MRPL43: variants seen among roughly 807,000 people sequenced by gnomAD.
The protein encoded by MRPL43 is mitochondrial ribosomal protein L43.
Under a neutral mutation model 12.7 loss-of-function variants are expected in MRPL43, and 9 were observed. That is an observed-to-expected ratio of 0.71 (90% CI 0.43 to 1.24). MRPL43 has a LOEUF of 1.24. Ranked by LOEUF, MRPL43 falls within the 50% of genes most tolerant of loss-of-function variation. The pLI is 0.00. For missense variants in MRPL43, 211 were observed against 229.2 expected (o/e 0.92, Z 0.51); for synonymous variants, 116 against 96.4 (o/e 1.20, Z -1.19).
chr10:100,980,860 G>A (rs2133887370), downstream of MRPL43: 1 of 1,604,864 alleles, frequency 6.2e-7, no homozygotes, highest in Non-Finnish European at 8.5e-7. Context: ...GAGTCATCCA[G>A]CTACCACTCT....
chr10:100,978,547 A>C, downstream of MRPL43: 1 of 1,614,120 alleles, frequency 6.2e-7, no homozygotes, highest in Non-Finnish European at 8.5e-7. Context: ...CTACACAGCC[A>C]CTAGGTATGA....
chr10:100,983,484 C>T (rs775542275), downstream of MRPL43: 2 of 1,614,180 alleles, frequency 1.2e-6, no homozygotes, highest in Non-Finnish European at 1.7e-6. Context: ...AGATGCACAG[C>T]CTGAGCACAG....
At chr10:100,979,822 C>A, downstream of MRPL43, 1 of 1,611,126 alleles carries the variant, frequency 6.2e-7, no homozygotes, top group Non-Finnish European at 8.5e-7. Flanking sequence ...TGTAACTCAC[C>A]CCCCTTGCCC....
Position 100,987,150 on chromosome 10 carries a change from C to T in MRPL43, c.178G>A (p.Gly60Arg), listed in dbSNP as rs565109783. Residue 60 changes from glycine (G) to arginine (R), a missense_variant, in exon 2 of 3, where the codon GGG becomes AGG. Coordinates refer to ENST00000318364, the MANE Select transcript of MRPL43 (RefSeq NM_032112.3). ...CGCGAGTTTACATATATTACGACCC[C>T]TGGATTCCGTCGGGCGAAGTCGATC... ...EVIDFARRNP[G>R]VVIYVNSRPC... The T allele has an allele frequency of 6.2e-7, 1 of 1,613,964 alleles. No individual in the cohort carries two copies. Among genetic ancestry groups the T allele is most frequent in the South Asian group, 1.1e-5 (1 of 91,082 alleles).
chr10:100,986,569 G>A lies in MRPL43; in HGVS notation c.*165C>T, dbSNP rs777181468. ...CACAAGGTCACTGCCCCCAGAAGCA[G>A]GCACTGGAAAGAAACAGGCAGCTCT... On this transcript the variant is annotated 3_prime_UTR_variant, in exon 3 of 3. Transcript: ENST00000318364. 1 of 1,579,622 alleles carries A rather than the reference G, an allele frequency of 6.3e-7. No individual in the cohort carries two copies. The highest frequency in any genetic ancestry group is 2.4e-5 in the East Asian group (1 of 42,472).
downstream of MRPL43, chr10:100,978,664 G>A: frequency 2.5e-6 from 4 of 1,601,672 alleles, no homozygotes; most frequent in Non-Finnish European, 3.4e-6. Flanking sequence ...GGCACAGGAT[G>A]ATGGGGGGTA....
At chr10:100,979,750 G>A (rs911579877), downstream of MRPL43, 2 of 1,398,546 alleles carry the variant, frequency 1.4e-6, no homozygotes, top group African/African-American at 2.8e-5. Context: ...CTATAGCTGG[G>A]GTTGGCCAGG....
At chr10:100,983,778 G>A (rs771404491), downstream of MRPL43, 3 of 1,608,872 alleles carry the variant, frequency 1.9e-6, no homozygotes, top group Admixed American at 1.7e-5. Flanking sequence ...CCGGGCAGGA[G>A]GATCTGCGGT....
downstream of MRPL43, chr10:100,984,464 G>A: frequency 1.3e-6 from 2 of 1,526,052 alleles, no homozygotes; most frequent in Non-Finnish European, 1.8e-6. Flanking sequence ...CCATTCATCT[G>A]CCCAAACCCT....
downstream of MRPL43, chr10:100,983,843 T>A: frequency 6.3e-7 from 1 of 1,593,662 alleles, no homozygotes; most frequent in South Asian, 1.1e-5. Flanking sequence ...AGGGTGATGA[T>A]GAGGGGGCTG....
At position 100,987,424 on chromosome 10, in the gene MRPL43, G is replaced by A. The variant is rs1349296210; in HGVS notation, c.20C>T (p.Pro7Leu). The A allele has an allele frequency of 1.9e-6, 3 of 1,612,096 alleles. No individual in the cohort carries two copies. Among genetic ancestry groups the A allele is most frequent in the South Asian group, 1.1e-5 (1 of 91,060 alleles). The change falls in exon 1 of 3, where the codon CCG becomes CTG. Residue 7 changes from proline to leucine, a missense_variant. By Grantham distance (98) the Pro-to-Leu change is moderately conservative (BLOSUM62 -3). Coordinates refer to ENST00000318364, the MANE Select transcript of MRPL43 (RefSeq NM_032112.3). Reference sequence around the variant, plus strand: ...GAGAACGCTGGCCAAGAAGCGGCTCGGAGTCCCGCGCGCCGTCATAGCTAC... The same window carrying A: ...GAGAACGCTGGCCAAGAAGCGGCTCAGAGTCCCGCGCGCCGTCATAGCTAC... MTARGT[P>L]SRFLASVLHN...
chr10:100,980,939 C>A (rs1382570602), downstream of MRPL43: 1 of 1,610,292 alleles, frequency 6.2e-7, no homozygotes, highest in African/African-American at 1.3e-5. Context: ...TGGCTGGGAC[C>A]CTGGCACCCA....
downstream of MRPL43, chr10:100,980,382 GATCACTAATGCTTCTGA>G: frequency 1.3e-6 from 2 of 1,571,602 alleles, no homozygotes; most frequent in Non-Finnish European, 1.7e-6. Context: ...TGTTGGCCCT[GATCACTAATGCTTCTGA>G]ATCCATTAAT....
chr10:100,981,500 T>A, downstream of MRPL43: 1 of 1,614,186 alleles, frequency 6.2e-7, no homozygotes. Context: ...TTCAGGACGG[T>A]AATGGGTATT....
downstream of MRPL43, chr10:100,984,138 C>A: frequency 6.3e-7 from 1 of 1,597,806 alleles, no homozygotes. Context: ...CTGAGCCCAG[C>A]CTCCCAGAAC....
At chr10:100,978,715 CA>C, downstream of MRPL43, 1 of 1,551,366 alleles carries the variant, frequency 6.4e-7, no homozygotes, top group South Asian at 1.1e-5. Context: ...GCCAGCTGAC[CA>C]CCCCACCCCC....
At chr10:100,979,603 G>A (rs527378146), downstream of MRPL43, among the ~76,000 whole-genome samples, 332 of 152,126 alleles carry the variant, frequency 2.2e-3, 1 homozygote, top group Non-Finnish European at 4.2e-3. Context: ...GGATGGTCTC[G>A]ATCTCTTGAC....
At chr10:100,985,696 A>T (rs1001745445), downstream of MRPL43, 1 of 152,502 alleles carries the variant, frequency 6.6e-6, no homozygotes. Context: ...ACAGAAGGTG[A>T]TATCTGCCTC....
downstream of MRPL43, among the ~76,000 whole-genome samples, chr10:100,982,391 G>A (rs540580202): frequency 6.6e-6 from 1 of 152,344 alleles, no homozygotes; most frequent in Admixed American, 6.5e-5. Flanking sequence ...TACCTCTCAT[G>A]AAGAATGGAT....
Sources: gnomAD v4.1 joint callset for allele counts (sites outside exome capture counted in the v4.1 genomes callset) on GRCh38, gnomAD v4.1.1 for gene constraint, MANE v1.5 for transcripts, NCBI Gene and HGNC (gene_info 2026-07-23, HGNC 2026-07-21) for gene names.